The following GRM5 variants were observed in gnomAD, a reference collection of about 807,000 sequenced individuals.
GRM5 encodes glutamate metabotropic receptor 5, also known as metabotropic glutamate receptor 5.
GRM5 carries 19 observed loss-of-function variants against 83.1 expected under a neutral mutation model. The ratio of observed to expected loss-of-function variants is 0.23; its 90% CI spans 0.16 to 0.34. The LOEUF is 0.34. GRM5 is among the 10% of genes least tolerant of loss of function. The pLI, the probability that GRM5 is intolerant of heterozygous loss-of-function variation, is 1.00. For synonymous variants in GRM5, 675 were observed against 633.6 expected, an observed-to-expected ratio of 1.07 and a Z score of -0.98; for missense variants, 1,160 against 1,588.3, an observed-to-expected ratio of 0.73 and a Z score of 4.58.
chr11:88,941,584 G>A (rs1368938416), intron 2 of GRM5, among the ~76,000 whole-genome samples: 1 of 125,048 alleles, frequency 8.0e-6, no homozygotes, highest in East Asian at 2.7e-4. Flanking sequence ...GGAGAGGGAA[G>A]GGGAGGGGAG....
At chr11:89,043,263 A>T (rs1351391731) in intron 2 of GRM5, among the ~76,000 whole-genome samples, 1 of 152,222 alleles carries the variant, frequency 6.6e-6, no homozygotes, top group African/African-American at 2.4e-5. Flanking sequence ...TAGATTTTCA[A>T]CTAAAGTCAG....
intron 9 of GRM5, among the ~76,000 whole-genome samples, chr11:88,517,154 C>CAT (rs1565320438): frequency 6.6e-6 from 1 of 151,714 alleles, no homozygotes; most frequent in Non-Finnish European, 1.5e-5. Flanking sequence ...CACACACACA[C>CAT]ACACACACGT....
At chr11:88,691,477 T>A (rs1398817777) in intron 3 of GRM5, among the ~76,000 whole-genome samples, 1 of 152,226 alleles carries the variant, frequency 6.6e-6, no homozygotes, top group Admixed American at 6.5e-5. Flanking sequence ...TACGGTTGGA[T>A]ATAGCAAAGA....
intron 2 of GRM5, among the ~76,000 whole-genome samples, chr11:88,994,722 G>T (rs1441603974): frequency 1.3e-5 from 2 of 148,320 alleles, no homozygotes; most frequent in African/African-American, 2.5e-5. Context: ...TTTTTGTTTT[G>T]TTTTGTTTTT....
intron 3 of GRM5, among the ~76,000 whole-genome samples, chr11:88,723,994 T>C (rs904516761): frequency 6.6e-6 from 1 of 152,192 alleles, no homozygotes; most frequent in Non-Finnish European, 1.5e-5. Flanking sequence ...AACATTATAC[T>C]CAATAGGTAC....
chr11:88,742,986 A>G (rs1245534296), intron 3 of GRM5, among the ~76,000 whole-genome samples: 1 of 152,084 alleles, frequency 6.6e-6, no homozygotes, highest in Non-Finnish European at 1.5e-5. Flanking sequence ...ATTAGAGAGG[A>G]TATAGCCCCC....
chr11:88,891,712 G>A (rs1590943307), intron 2 of GRM5, among the ~76,000 whole-genome samples: 1 of 151,812 alleles, frequency 6.6e-6, no homozygotes, highest in East Asian at 1.9e-4. Context: ...GTCACTTACA[G>A]ACAATTGTTA....
At chr11:89,064,940 G>GA (rs56663846) in intron 1 of GRM5, among the ~76,000 whole-genome samples, 8,978 of 41,950 alleles carry the variant, frequency 0.21, 1,038 homozygotes, top group East Asian at 0.36. Flanking sequence ...GAGAGAGAGA[G>GA]GGAGAGAGAG....
In GRM5 at chr11:88,508,574, C is replaced by A. The variant is rs1212616384; in HGVS notation, c.*18G>T. 6 of 1,598,364 alleles carry A rather than the reference C, an allele frequency of 3.8e-6. No homozygotes were observed. The highest frequency in any genetic ancestry group is 5.1e-6 in the Non-Finnish European group (6 of 1,169,616). On this transcript the variant is annotated 3_prime_UTR_variant, in exon 10 of 10. Transcript: ENST00000305447. The surrounding 1 kb of genome is among the most constrained non-coding windows in gnomAD (Gnocchi z 4.2). ...GCTCCGCTCCGCACGCGCAGGCCGG[C>A]GTGCTTTCCAGGGACATTCACAACG... is the stretch of plus-strand genomic sequence containing the variant.
chr11:88,878,354 A>G (rs1944894436), intron 2 of GRM5, among the ~76,000 whole-genome samples: 2 of 152,152 alleles, frequency 1.3e-5, no homozygotes, highest in South Asian at 2.1e-4. Context: ...GAGAGGAAAC[A>G]GAGAAAAATT....
chr11:88,664,417 G>C (rs1449652944), intron 3 of GRM5, among the ~76,000 whole-genome samples: 1 of 151,758 alleles, frequency 6.6e-6, no homozygotes, highest in Non-Finnish European at 1.5e-5. Context: ...ATAGAGTATG[G>C]CAACTATTCA....
intron 3 of GRM5, among the ~76,000 whole-genome samples, chr11:88,702,619 A>G (rs1195417957): frequency 6.6e-6 from 1 of 152,126 alleles, no homozygotes; most frequent in African/African-American, 2.4e-5. Flanking sequence ...ACTCATTGAT[A>G]AGGTGTTATG....
At chr11:88,819,772 C>G (rs1002914477) in intron 3 of GRM5, among the ~76,000 whole-genome samples, 8 of 152,090 alleles carry the variant, frequency 5.3e-5, no homozygotes, top group African/African-American at 1.9e-4. Flanking sequence ...TCTTACAGTT[C>G]TGGAGGCTGG....
intron 4 of GRM5, among the ~76,000 whole-genome samples, chr11:88,625,675 G>A (rs1938774220): frequency 6.6e-6 from 1 of 152,092 alleles, no homozygotes; most frequent in Admixed American, 6.6e-5. Flanking sequence ...GTTGGCTACT[G>A]TGCTCACTAC....
chr11:88,745,341 G>A lies in GRM5; in HGVS notation c.912-91938C>T, dbSNP rs572447841. ...TCAGCCTCAGCCTCCCAAGTAGATGGGACTACAGGCACGTGCCACCCCACC... is the reference window on the plus strand; with the variant it reads ...TCAGCCTCAGCCTCCCAAGTAGATGAGACTACAGGCACGTGCCACCCCACC... On this transcript the variant is annotated intron_variant, in intron 3 of 9. Coordinates refer to ENST00000305447, the MANE Select transcript of GRM5 (RefSeq NM_001143831.3). Among the ~76,000 whole-genome samples, 68 of 150,760 alleles carry A rather than the reference G, an allele frequency of 4.5e-4. 1 individual carries two copies. The highest frequency in any genetic ancestry group is 1.7e-3 in the African/African-American group (68 of 41,194).
chr11:88,778,947 G>A (rs190136654), intron 3 of GRM5, among the ~76,000 whole-genome samples: 3 of 152,242 alleles, frequency 2.0e-5, no homozygotes, highest in East Asian at 3.9e-4. Flanking sequence ...GCCCTTCTGG[G>A]TTAAATAAAA....
Position 88,762,021 on chromosome 11 carries a change from T to C in GRM5, c.911+87885A>G, listed in dbSNP as rs567715124. On this transcript the variant is annotated intron_variant, in intron 3 of 9. Coordinates refer to ENST00000305447, the MANE Select transcript of GRM5 (RefSeq NM_001143831.3). Reference sequence around the variant, plus strand: ...AGAAGATTCAAACTGTTCCCCTTTCTCAAGCCATATACAAAAATCAACTCA... The same window carrying C: ...AGAAGATTCAAACTGTTCCCCTTTCCCAAGCCATATACAAAAATCAACTCA... Among the ~76,000 whole-genome samples the C allele has an allele frequency of 3.3e-5, 5 of 152,208 alleles. No homozygotes were observed. The South Asian group carries it at 1.0e-3, about 32-fold the overall frequency.
intron 3 of GRM5, among the ~76,000 whole-genome samples, chr11:88,686,894 C>G (rs563473529): frequency 6.6e-6 from 1 of 152,216 alleles, no homozygotes; most frequent in South Asian, 2.1e-4. Context: ...TCTCATGGCA[C>G]TGACCAGATT....
At chr11:88,794,637 T>A (rs755483142) in intron 3 of GRM5, among the ~76,000 whole-genome samples, 2 of 152,160 alleles carry the variant, frequency 1.3e-5, no homozygotes, top group Non-Finnish European at 2.9e-5. Flanking sequence ...AGGAGCATCA[T>A]GGAGGTAAGT....
Sources: gnomAD v4.1 joint callset for allele counts (sites outside exome capture counted in the v4.1 genomes callset) on GRCh38, gnomAD v4.1.1 for gene constraint, Gnocchi (gnomAD v3.1) non-coding constraint, MANE v1.5 for transcripts, NCBI Gene and HGNC (gene_info 2026-07-23, HGNC 2026-07-21) for gene names.